The following LDLRAD3 variants were observed in gnomAD, a reference collection of about 807,000 sequenced individuals.
LDLRAD3 encodes low-density lipoprotein receptor class A domain-containing protein 3.
In LDLRAD3, 20 loss-of-function variants were observed where a neutral mutation model predicts 29.4. The ratio of observed to expected loss-of-function variants is 0.68; its 90% CI spans 0.48 to 0.99. The LOEUF (loss-of-function observed/expected upper bound fraction) is 0.99. LDLRAD3 is among the 50% of genes least tolerant of loss of function. LDLRAD3 has a pLI of 0.00. For missense variants in LDLRAD3, 420 were observed against 454.3 expected (o/e 0.92, Z 0.69); for synonymous variants, 157 against 192.7 (o/e 0.81, Z 1.53).
chr11:36,068,312 AG>A (rs1852830898), intron 2 of LDLRAD3, among the ~76,000 whole-genome samples: 1 of 152,204 alleles, frequency 6.6e-6, no homozygotes, highest in African/African-American at 2.4e-5. Flanking sequence ...TAGGGAAGGG[AG>A]GGCATTACTG....
intron 2 of LDLRAD3, among the ~76,000 whole-genome samples, chr11:36,048,226 C>T (rs181866589): frequency 2.2e-4 from 33 of 152,276 alleles, no homozygotes; most frequent in African/African-American, 7.5e-4. Context: ...AGGTTTACAG[C>T]ACATTAGTCA....
chr11:36,070,490 TG>T (rs887456178), intron 2 of LDLRAD3, among the ~76,000 whole-genome samples: 16 of 152,336 alleles, frequency 1.1e-4, no homozygotes, highest in Admixed American at 9.1e-4. Context: ...CTCCTCTATC[TG>T]GGGTGTATTA....
chr11:36,159,053 T>C (rs1854396381), intron 4 of LDLRAD3, among the ~76,000 whole-genome samples: 1 of 152,246 alleles, frequency 6.6e-6, no homozygotes, highest in Admixed American at 6.5e-5. Context: ...TTGGCTGCTT[T>C]CTTAAATTGT....
intron 2 of LDLRAD3, among the ~76,000 whole-genome samples, chr11:36,057,333 A>C (rs1162631152): frequency 6.7e-6 from 1 of 149,818 alleles, no homozygotes; most frequent in Non-Finnish European, 1.5e-5. Flanking sequence ...GGGGGAGCCT[A>C]ATCTACACTC....
intron 4 of LDLRAD3, among the ~76,000 whole-genome samples, chr11:36,165,543 A>AT (rs1854501156): frequency 6.6e-6 from 1 of 152,134 alleles, no homozygotes; most frequent in Admixed American, 6.5e-5. Context: ...GGATATTATC[A>AT]TTTTAAAAAA....
intron 2 of LDLRAD3, among the ~76,000 whole-genome samples, chr11:36,072,367 T>A (rs1039808812): frequency 6.6e-6 from 1 of 152,010 alleles, no homozygotes; most frequent in Admixed American, 6.5e-5. Flanking sequence ...TCTGGGGAGG[T>A]GGCCAGAGAC....
At chr11:36,145,559 A>G (rs549724817) in intron 4 of LDLRAD3, among the ~76,000 whole-genome samples, 1 of 144,222 alleles carries the variant, frequency 6.9e-6, no homozygotes, top group African/African-American at 2.5e-5. Flanking sequence ...TTTGTGGAAT[A>G]GAAAGGGGGG....
At chr11:36,124,097 C>T (rs906423217) in intron 4 of LDLRAD3, among the ~76,000 whole-genome samples, 3 of 152,234 alleles carry the variant, frequency 2.0e-5, no homozygotes, top group African/African-American at 7.2e-5. Context: ...TCCAAAGCAA[C>T]TGATGGCAAC....
chr11:35,990,266 T>G (rs1031745601), intron 1 of LDLRAD3, among the ~76,000 whole-genome samples: 1 of 152,170 alleles, frequency 6.6e-6, no homozygotes, highest in African/African-American at 2.4e-5. Flanking sequence ...CTCACAGTTG[T>G]GGAGAGAGAA....
chr11:36,128,402 T>C (rs1853873872), intron 4 of LDLRAD3, among the ~76,000 whole-genome samples: 1 of 151,918 alleles, frequency 6.6e-6, no homozygotes, highest in Non-Finnish European at 1.5e-5. Context: ...CAAACCACCA[T>C]GCACAGATGC....
chr11:36,159,602 TAAAA>T lies in LDLRAD3; in HGVS notation c.454+61162_454+61165del, dbSNP rs66512652. On this transcript the variant is annotated intron_variant, in intron 4 of 5. Transcript: ENST00000315571. ...AGTAAAACACCGTCTTTACAGAAAC[TAAAA>T]AAAAAAAAAAAAAAAAAAAAGCCAG... 6.1e-3 allele frequency among the ~76,000 whole-genome samples: 359 copies of T among 58,468 alleles called. 1 individual carries two copies. The highest frequency in any genetic ancestry group is 0.02 in the African/African-American group (336 of 17,012). 38.4% of individuals were successfully genotyped at this position (58,468 alleles called of 152,430 possible).
intron 1 of LDLRAD3, among the ~76,000 whole-genome samples, chr11:36,022,709 C>T (rs901997612): frequency 5.3e-5 from 8 of 152,278 alleles, no homozygotes; most frequent in African/African-American, 1.9e-4. Flanking sequence ...CTCTATAATC[C>T]ATCTTTAATT....
chr11:36,062,702 A>C (rs1852721406), intron 2 of LDLRAD3, among the ~76,000 whole-genome samples: 1 of 152,174 alleles, frequency 6.6e-6, no homozygotes, highest in African/African-American at 2.4e-5. Context: ...TGGTTTTATA[A>C]GGGGCTTTTC....
chr11:36,047,198 A>G (rs1295875587), intron 2 of LDLRAD3, among the ~76,000 whole-genome samples: 5 of 152,220 alleles, frequency 3.3e-5, no homozygotes, highest in African/African-American at 1.2e-4. Context: ...AGGACACTAA[A>G]AACAATAATT....
At chr11:36,073,833 C>T (rs1852948725) in intron 2 of LDLRAD3, among the ~76,000 whole-genome samples, 1 of 152,216 alleles carries the variant, frequency 6.6e-6, no homozygotes, top group African/African-American at 2.4e-5. Context: ...TTTTCTCTTT[C>T]TCCCATAAAA....
At chr11:35,963,537 G>A (rs1033540185) in intron 1 of LDLRAD3, among the ~76,000 whole-genome samples, 2 of 151,832 alleles carry the variant, frequency 1.3e-5, no homozygotes, top group African/African-American at 4.8e-5. Flanking sequence ...TTTGCCACCC[G>A]ATTAAAGCCT....
At chr11:35,948,096 G>A (rs113976449) in intron 1 of LDLRAD3, among the ~76,000 whole-genome samples, 2 of 152,146 alleles carry the variant, frequency 1.3e-5, no homozygotes, top group African/African-American at 4.8e-5. Flanking sequence ...GCCAGGGTTC[G>A]ATTTCTTGAC....
intron 2 of LDLRAD3, among the ~76,000 whole-genome samples, chr11:36,048,931 G>A (rs372256656): frequency 6.6e-6 from 1 of 152,100 alleles, no homozygotes; most frequent in African/African-American, 2.4e-5. Flanking sequence ...ATTCCATCTC[G>A]CCAGTCTTCT....
intron 4 of LDLRAD3, among the ~76,000 whole-genome samples, chr11:36,134,348 T>C (rs1853973755): frequency 6.6e-6 from 1 of 152,240 alleles, no homozygotes; most frequent in African/African-American, 2.4e-5. Flanking sequence ...ACTAATGATA[T>C]TAATAAGCAC....
Sources: gnomAD v4.1 joint callset for allele counts (sites outside exome capture counted in the v4.1 genomes callset) on GRCh38, gnomAD v4.1.1 for gene constraint, MANE v1.5 for transcripts, NCBI Gene and HGNC (gene_info 2026-07-23, HGNC 2026-07-21) for gene names.